The following SH3PXD2B variants were observed in gnomAD, a reference collection of about 807,000 sequenced individuals.
The protein encoded by SH3PXD2B is SH3 and PX domain-containing protein 2B.
SH3PXD2B carries 37 observed loss-of-function variants against 73.1 expected under a neutral mutation model. The observed-to-expected ratio is 0.51, with a 90% CI of 0.39 to 0.67. The LOEUF is 0.67. SH3PXD2B is among the 30% of genes least tolerant of loss of function. SH3PXD2B has a pLI of 0.00. For synonymous variants in SH3PXD2B, 457 were observed against 480.5 expected (o/e 0.95, Z 0.64); for missense variants, 1,053 against 1,197.8 (o/e 0.88, Z 1.78).
chr5:172,368,513 AAAT>A (rs1561908055), intron 6 of SH3PXD2B, among the ~76,000 whole-genome samples: 8 of 25,278 alleles, frequency 3.2e-4, no homozygotes, highest in African/African-American at 4.9e-4. Flanking sequence ...TATATATATA[AAAT>A]ATATATATAT....
rs1266432035 is a variant in SH3PXD2B, at chr5:172,338,626, A to G, written c.2479T>C (p.Trp827Arg). ...DTRGKGSLGPWGTGKIGENRE... is the reference protein window; with the variant it reads ...DTRGKGSLGPRGTGKIGENRE... ...TTTTCTCCAATCTTGCCGGTCCCCC[A>G]TGGCCCCAGGCTGCCTTTGCCTCGC... The change falls in exon 13 of 13, where the codon TGG becomes CGG. Residue 827 changes from tryptophan (W) to arginine (R), a missense_variant. Physicochemically the swap from Trp to Arg is moderately radical, Grantham distance 101. This residue lies in a region of SH3PXD2B where 587 missense variants were observed against 590.7 expected (regional missense o/e 0.99). Transcript: ENST00000311601. The surrounding 1 kb of genome is among the most constrained non-coding windows in gnomAD (Gnocchi z 5.1). The G allele has an allele frequency of 3.1e-6, 5 of 1,614,110 alleles. No homozygotes were observed. The highest frequency in any genetic ancestry group is 1.6e-4 in the Middle Eastern group (1 of 6,062).
intron 5 of SH3PXD2B, among the ~76,000 whole-genome samples, chr5:172,381,259 T>G (rs895587057): frequency 6.6e-5 from 10 of 151,662 alleles, no homozygotes; most frequent in African/African-American, 2.4e-4. Flanking sequence ...TTTCAGCCCT[T>G]CTCGAATGAG....
intron 2 of SH3PXD2B, among the ~76,000 whole-genome samples, chr5:172,413,253 G>C (rs1051066791): frequency 6.6e-6 from 1 of 152,222 alleles, no homozygotes; most frequent in Non-Finnish European, 1.5e-5. Flanking sequence ...GTGTCCCTGG[G>C]CCTAGTCTAC....
chr5:172,373,140 C>T (rs143912705), intron 6 of SH3PXD2B, among the ~76,000 whole-genome samples: 36 of 152,292 alleles, frequency 2.4e-4, no homozygotes, highest in African/African-American at 8.2e-4. Flanking sequence ...GGACGGGAGT[C>T]GCTTGACGCT....
intron 2 of SH3PXD2B, among the ~76,000 whole-genome samples, chr5:172,420,656 C>G (rs1554140977): frequency 6.6e-6 from 1 of 152,228 alleles, no homozygotes; most frequent in Non-Finnish European, 1.5e-5. Context: ...TCAGTCTCCA[C>G]CCTTATTGAC....
intron 5 of SH3PXD2B, among the ~76,000 whole-genome samples, chr5:172,374,674 C>T (rs1408522209): frequency 3.3e-5 from 5 of 152,136 alleles, no homozygotes; most frequent in Non-Finnish European, 7.3e-5. Context: ...GAGCAAGACT[C>T]CATCTTGGTG....
chr5:172,436,215 C>T (rs983160874), intron 1 of SH3PXD2B, among the ~76,000 whole-genome samples: 1 of 152,252 alleles, frequency 6.6e-6, no homozygotes, highest in Non-Finnish European at 1.5e-5. Flanking sequence ...CTCAGGCCAG[C>T]AGTGAAACTG....
chr5:172,348,671 C>CTATCTATCTATCTTATCT (rs1757071600), intron 10 of SH3PXD2B, among the ~76,000 whole-genome samples: 15 of 55,626 alleles, frequency 2.7e-4, no homozygotes, highest in Middle Eastern at 0.01. Flanking sequence ...ATCTATCTAT[C>CTATCTATCTATCTTATCT]TATCTATCTA....
rs1425163818 is a variant in SH3PXD2B at position 172,394,638 on chromosome 5, A to T, written c.234T>A (p.Gly78=). 6.2e-7 allele frequency: 1 copy of T among 1,613,878 alleles called. No homozygotes were observed. The highest frequency in any genetic ancestry group is 8.5e-7 in the Non-Finnish European group (1 of 1,179,944). The change falls in exon 4 of 13, where the codon GGT becomes GGA. Residue 78 remains glycine, a splice_region_variant and synonymous_variant. Transcript: ENST00000311601. ...TGTGGCTTCGTCTGAAGAGAATCTT[A>T]CCTGCAGAAGATGAGAGCAAAGACA... The part of the protein sequence containing the change: ...PKQRIIPFLP[G]KILFRRSHIR...
intron 10 of SH3PXD2B, among the ~76,000 whole-genome samples, chr5:172,349,163 G>A (rs1377010935): frequency 6.6e-6 from 1 of 152,266 alleles, no homozygotes; most frequent in Non-Finnish European, 1.5e-5. Context: ...CAGCATGTGA[G>A]AAAACATGAT....
chr5:172,440,683 G>T (rs532944265), intron 1 of SH3PXD2B, among the ~76,000 whole-genome samples: 1 of 152,160 alleles, frequency 6.6e-6, no homozygotes, highest in African/African-American at 2.4e-5. Context: ...ACCAGGTCCC[G>T]GGCCGAGGCG....
At chr5:172,325,873 C>T (rs374316736) in intron 12 of SH3PXD2B, among the ~76,000 whole-genome samples, 9 of 152,198 alleles carry the variant, frequency 5.9e-5, no homozygotes, top group Admixed American at 1.3e-4. Context: ...CCGCAACCTC[C>T]GCCTCCCGGT....
chr5:172,369,231 T>G (rs1476587497), intron 6 of SH3PXD2B, among the ~76,000 whole-genome samples: 1 of 150,540 alleles, frequency 6.6e-6, no homozygotes, highest in East Asian at 1.9e-4. Flanking sequence ...TTGTTTTGTT[T>G]TGTTTGTTTT....
At chr5:172,406,194 C>A in intron 3 of SH3PXD2B, 83 bp downstream of exon 3, 1 of 1,437,766 alleles carries the variant, frequency 7.0e-7, no homozygotes. Context: ...TAAAGGAAGA[C>A]AAGCTGATAA....
chr5:172,355,807 G>A (rs903638109), intron 8 of SH3PXD2B, among the ~76,000 whole-genome samples: 4 of 152,168 alleles, frequency 2.6e-5, no homozygotes, highest in African/African-American at 9.6e-5. Context: ...GCCTCCCAAC[G>A]TGCTGGGACT....
chr5:172,406,151 T>G, intron 3 of SH3PXD2B, 126 bp downstream of exon 3: 55 of 1,103,492 alleles, frequency 5.0e-5, no homozygotes, highest in Non-Finnish European at 6.3e-5. Context: ...TACAAATGGC[T>G]GAGATTCTGG....
chr5:172,327,811 G>C (rs1316528336), intron 12 of SH3PXD2B, among the ~76,000 whole-genome samples: 1 of 149,738 alleles, frequency 6.7e-6, no homozygotes, highest in African/African-American at 2.5e-5. Flanking sequence ...CTGGAGTGCA[G>C]TGGCATAATC....
chr5:172,372,132 T>G (rs952761602), intron 6 of SH3PXD2B, among the ~76,000 whole-genome samples: 10 of 152,286 alleles, frequency 6.6e-5, no homozygotes, highest in African/African-American at 2.2e-4. Context: ...ATTTGGAATT[T>G]CTACTTGATA....
chr5:172,408,443 G>T (rs949446633), intron 2 of SH3PXD2B, among the ~76,000 whole-genome samples: 3 of 148,180 alleles, frequency 2.0e-5, no homozygotes, highest in African/African-American at 7.5e-5. Flanking sequence ...TAATTTTTTT[G>T]TATTTTGTAC....
Sources: gnomAD v4.1 joint callset for allele counts (sites outside exome capture counted in the v4.1 genomes callset) on GRCh38, gnomAD v4.1.1 for gene constraint, gnomAD v4.1.1 regional missense constraint, Gnocchi (gnomAD v3.1) non-coding constraint, MANE v1.5 for transcripts, NCBI Gene and HGNC (gene_info 2026-07-23, HGNC 2026-07-21) for gene names.